KDM6B: variants seen among roughly 807,000 people sequenced by gnomAD.
KDM6B encodes lysine-specific demethylase 6B.
A neutral mutation model predicts 150.4 loss-of-function variants in KDM6B; 22 were observed. The observed-to-expected ratio is 0.15, with a 90% CI of 0.10 to 0.21. The LOEUF is 0.21. Ranked by LOEUF, KDM6B falls within the 10% of genes least tolerant of loss-of-function variation. The probability of loss-of-function intolerance (pLI) is 1.00; values close to 1 mark genes in which losing one functional copy is unlikely to be tolerated. For missense variants in KDM6B, 1,984 were observed against 2,234.3 expected, an observed-to-expected ratio of 0.89 and a Z score of 2.26; for synonymous variants, 1,148 against 921.1, an observed-to-expected ratio of 1.25 and a Z score of -4.46.
chr17:7,848,673 C>T lies in KDM6B; in HGVS notation c.2385C>T (p.Pro795=). The change falls in exon 12 of 24, where the codon CCC becomes CCT. Residue 795 remains proline (P), a synonymous_variant. Transcript: ENST00000448097. ...CCTCTCAGCCACAGCCACCACCACC[C>T]CCACCCCCCAGCCCGGCCAGCCTGC... ...PPPSQPQPPP[P]PPPSPASLLK... 2.5e-6 allele frequency: 4 copies of T among 1,609,544 alleles called. No individual in the cohort carries two copies. The highest frequency in any genetic ancestry group is 3.4e-6 in the Non-Finnish European group (4 of 1,178,558).
At position 7,850,056 on chromosome 17, in the gene KDM6B, C is replaced by T. The variant is rs1597852034; in HGVS notation, c.3568-16C>T. On this transcript the variant is annotated splice_polypyrimidine_tract_variant and intron_variant, in intron 13 of 23. Coordinates refer to ENST00000448097, the MANE Select transcript of KDM6B (RefSeq NM_001348716.2). ...GGGCCAGGGCTCTGACCCCAGCTCTCCTGGTCATGTCTCAGCTGGAGAGCA... is the reference window on the plus strand; with the variant it reads ...GGGCCAGGGCTCTGACCCCAGCTCTTCTGGTCATGTCTCAGCTGGAGAGCA... The T allele has an allele frequency of 6.2e-7, 1 of 1,613,614 alleles. No homozygotes were observed. Among genetic ancestry groups the T allele is most frequent in the Non-Finnish European group, 8.5e-7 (1 of 1,179,856 alleles).
rs200853983 is a variant in KDM6B at position 7,853,236 on chromosome 17, G to A, written c.4764G>A (p.Val1588=). The change falls in exon 23 of 24, where the codon GTG becomes GTA. Residue 1588 remains valine (V), a synonymous_variant. Transcript: ENST00000448097. ...TGGAGGTGTTTAACATCCTGTTCGT[G>A]ACAAGTGAGAATGGCAGCCGCAACA... ...CDVEVFNILF[V]TSENGSRNTY... 1.3e-5 allele frequency: 21 copies of A among 1,612,356 alleles called. No homozygotes were observed. The East Asian group carries it at 4.2e-4, about 33-fold the overall frequency.
intron 1 of KDM6B, among the ~76,000 whole-genome samples, chr17:7,837,198 C>G (rs191185907): frequency 6.6e-6 from 1 of 152,312 alleles, no homozygotes; most frequent in Admixed American, 6.5e-5. Context: ...TACTTTCCCA[C>G]CTGCTGCATG....
chr17:7,846,340 G>A (rs368266509), intron 7 of KDM6B, 43 bp downstream of exon 7: 2 of 1,583,044 alleles, frequency 1.3e-6, no homozygotes, highest in African/African-American at 2.7e-5. Flanking sequence ...GTACGATTGT[G>A]CCTTCTGGCT....
rs79881591 is a variant in KDM6B at position 7,848,564 on chromosome 17, C to T, written c.2276C>T (p.Thr759Ile). 2,736 of 1,608,414 alleles carry T rather than the reference C, an allele frequency of 1.7e-3. 39 individuals are homozygous for T. The African/African-American group carries it at 0.033, about 19-fold the overall frequency. ...VAVTTTTTTT[T>I]TTTATQEEEK... ...GTCACCACCACCACCACCACCACCACCACCACCACGGCCACCCAGGAAGAG... is the reference window on the plus strand; with the variant it reads ...GTCACCACCACCACCACCACCACCATCACCACCACGGCCACCCAGGAAGAG... Residue 759 changes from threonine to isoleucine, a missense_variant, in exon 12 of 24, where the codon ACC becomes ATC. Coordinates refer to ENST00000448097, the MANE Select transcript of KDM6B (RefSeq NM_001348716.2).
At chr17:7,842,200 T>C (rs1161773631) in intron 2 of KDM6B, among the ~76,000 whole-genome samples, 1 of 151,324 alleles carries the variant, frequency 6.6e-6, no homozygotes, top group Non-Finnish European at 1.5e-5. Flanking sequence ...GATGGAGTGT[T>C]CTCTCTTGGG....
At position 7,847,855 on chromosome 17, in the gene KDM6B, G is replaced by T; in HGVS notation, c.1567G>T (p.Glu523Ter). The change falls in exon 12 of 24, where the codon GAG (glutamate) becomes TAG (stop). Residue 523 changes from glutamate to a stop codon, truncating the protein, a stop_gained. Coordinates refer to ENST00000448097, the MANE Select transcript of KDM6B (RefSeq NM_001348716.2). LOFTEE classifies it high-confidence loss of function. ...TGCCCCACCACCCCTCCCCCATCGC[G>T]AGGGCTTCTTGGGGCCTCCGGCCTC... ...RPAPPPLPHR[E>*]GFLGPPASRF... The T allele has an allele frequency of 8.1e-7, 1 of 1,241,580 alleles. No homozygotes were observed. Among genetic ancestry groups the T allele is most frequent in the South Asian group, 1.2e-5 (1 of 82,234 alleles). 76.9% of individuals were successfully genotyped at this position (1,241,580 alleles called of 1,614,324 possible).
At chr17:7,852,746 G>A (rs575241386) in intron 21 of KDM6B, 110 bp downstream of exon 21, 4 of 1,493,754 alleles carry the variant, frequency 2.7e-6, no homozygotes, top group South Asian at 1.1e-5. Context: ...GTCTGCCTGT[G>A]CCCCGAGTGT....
In KDM6B at chr17:7,846,881, A is replaced by ACCACCC. The variant is rs2078555844; in HGVS notation, c.779_780insCCCACC (p.Pro263_Pro264dup). 7.6e-7 allele frequency: 1 copy of ACCACCC among 1,322,492 alleles called. No homozygotes were observed. The highest frequency in any genetic ancestry group is 1.8e-5 in the Admixed American group (1 of 54,200). The allele number at this position is 1,322,492 out of a possible 1,614,324, so 81.9% of individuals were successfully genotyped here. On this transcript the variant is annotated inframe_insertion, in exon 10 of 24. Coordinates refer to ENST00000448097, the MANE Select transcript of KDM6B (RefSeq NM_001348716.2). ...CATTACCACCACCACCACCACCACC[A>ACCACCC]CCACCACCACCACCACCCCTGCCTG...
chr17:7,837,232 C>T (rs2078346045), intron 1 of KDM6B, among the ~76,000 whole-genome samples: 1 of 152,110 alleles, frequency 6.6e-6, no homozygotes, highest in South Asian at 2.1e-4. Context: ...TTGCCCCCTT[C>T]CCCAGATTGA....
At chr17:7,846,371 G>GGGGCGC in intron 7 of KDM6B, 29 bp from the exon 8 acceptor site, 1 of 1,488,924 alleles carries the variant, frequency 6.7e-7, no homozygotes, top group Non-Finnish European at 9.2e-7. Flanking sequence ...CCTGACATCT[G>GGGGCGC]CCCCTGCCCC....
intron 2 of KDM6B, among the ~76,000 whole-genome samples, chr17:7,842,629 C>T (rs2078441071): frequency 6.6e-6 from 1 of 152,108 alleles, no homozygotes; most frequent in African/African-American, 2.4e-5. Context: ...GCAAGCGCCG[C>T]GTCGGGGCTG....
chr17:7,847,400 G>A lies in KDM6B; in HGVS notation c.1205G>A (p.Ser402Asn). Residue 402 changes from serine (S) to asparagine (N), a missense_variant, in exon 11 of 24, where the codon AGT (serine) becomes AAT (asparagine). Ser to Asn is a conservative substitution (Grantham distance 46, BLOSUM62 1). This residue lies in a region of KDM6B where 1,379 missense variants were observed against 1,275.6 expected (regional missense o/e 1.08). Transcript: ENST00000448097. ...CCCGGCACCACCACCAGCAGCAGCAGTAGCAGCAGCAGCAACACTGGTCTC... is the reference window on the plus strand; with the variant it reads ...CCCGGCACCACCACCAGCAGCAGCAATAGCAGCAGCAGCAACACTGGTCTC... The part of the protein sequence containing the change: ...GLPGTTTSSS[S>N]SSSSNTGLRG... 1 of 1,613,432 alleles carries A rather than the reference G, an allele frequency of 6.2e-7. No individual in the cohort carries two copies. Among genetic ancestry groups the A allele is most frequent in the Non-Finnish European group, 8.5e-7 (1 of 1,179,884 alleles).
chr17:7,846,324 G>T, intron 7 of KDM6B, 27 bp downstream of exon 7: 1 of 1,597,622 alleles, frequency 6.3e-7, no homozygotes, highest in Non-Finnish European at 8.5e-7. Flanking sequence ...CGTGGGGGAC[G>T]GGATTGTACG....
Position 7,849,303 on chromosome 17 carries a change from C to G in KDM6B, c.3015C>G (p.Ala1005=). Residue 1005 remains alanine, a synonymous_variant, in exon 12 of 24, where the codon GCC becomes GCG. Coordinates refer to ENST00000448097, the MANE Select transcript of KDM6B (RefSeq NM_001348716.2). ...GRRPREGRAK[A]KAKVPKEKSR... is the part of the protein sequence containing the mutation. ...GGCCCCGTGAGGGCAGGGCAAAGGC[C>G]AAGGCCAAGGTCCCCAAAGAAAAGA... 1 of 1,558,938 alleles carries G rather than the reference C, an allele frequency of 6.4e-7. No homozygotes were observed. The highest frequency in any genetic ancestry group is 8.7e-7 in the Non-Finnish European group (1 of 1,151,394).
chr17:7,846,377 G>GGTCC, intron 7 of KDM6B, 23 bp from the exon 8 acceptor site: 1 of 1,479,502 alleles, frequency 6.8e-7, no homozygotes. Context: ...ATCTGCCCCT[G>GGTCC]CCCCGTGTCC....
chr17:7,849,516 G>C lies in KDM6B; in HGVS notation c.3228G>C (p.Glu1076Asp). 2 of 1,612,896 alleles carry C rather than the reference G, an allele frequency of 1.2e-6. No individual in the cohort carries two copies. The highest frequency in any genetic ancestry group is 1.1e-5 in the South Asian group (1 of 91,076). ...SASVPGKKAR[E>D]EAPGPPGVSR... ...CTGTCCCTGGAAAGAAGGCTCGGGA[G>C]GAAGCCCCAGGGCCACCGGGTGTCA... The change falls in exon 12 of 24, where the codon GAG (glutamate) becomes GAC (aspartate). Residue 1076 changes from glutamate (E) to aspartate (D), a missense_variant. Transcript: ENST00000448097.
rs144775064 is a variant in KDM6B at position 7,849,913 on chromosome 17, G to T, written c.3533G>T (p.Arg1178Leu). The T allele has an allele frequency of 8.7e-6, 14 of 1,613,406 alleles. No individual in the cohort carries two copies. In the African/African-American group the frequency reaches 1.6e-4, roughly 18 times the overall value. Reference sequence around the variant, plus strand: ...ATCAACACTGAGGAGAAGCTGCCCCGGGAAAAACTCAACCCCCCTACACCC... The same window carrying T: ...ATCAACACTGAGGAGAAGCTGCCCCTGGAAAAACTCAACCCCCCTACACCC... ...PKINTEEKLPREKLNPPTPSI... is the reference protein window; with the variant it reads ...PKINTEEKLPLEKLNPPTPSI... Residue 1178 changes from arginine (R) to leucine (L), a missense_variant, in exon 13 of 24, where the codon CGG (arginine) becomes CTG (leucine). By Grantham distance (102) the Arg-to-Leu change is moderately radical. This residue lies in a region of KDM6B where 1,379 missense variants were observed against 1,275.6 expected (regional missense o/e 1.08). Transcript: ENST00000448097.
At position 7,846,081 on chromosome 17, in the gene KDM6B, G is replaced by A. The variant is rs1190407119; in HGVS notation, c.240G>A (p.Ala80=). The A allele has an allele frequency of 3.8e-6, 6 of 1,581,416 alleles. No homozygotes were observed. Among genetic ancestry groups the A allele is most frequent in the Admixed American group, 3.4e-5 (2 of 58,928 alleles). The change falls in exon 7 of 24, where the codon GCG becomes GCA. Residue 80 remains alanine, a synonymous_variant. Coordinates refer to ENST00000448097, the MANE Select transcript of KDM6B (RefSeq NM_001348716.2). ...CCCCACCCCTTCTGCTCTGTAGGGC[G>A]CCCACTCCAAGACCCCTCCATGGGA... The part of the protein sequence containing the change: ...HPSKPYYAPG[A]PTPRPLHGKL...
Sources: allele counts gnomAD v4.1 joint callset (sites outside exome capture counted in the v4.1 genomes callset), GRCh38; gene constraint gnomAD v4.1.1; regional missense constraint gnomAD v4.1.1; transcripts MANE v1.5; gene names NCBI Gene and HGNC (gene_info 2026-07-23, HGNC 2026-07-21).